The following PRKCA variants were observed in gnomAD, a reference collection of about 807,000 sequenced individuals.
PRKCA encodes the protein protein kinase C alpha, also known as protein kinase C alpha type.
PRKCA carries 27 observed loss-of-function variants against 87.0 expected under a neutral mutation model. The observed-to-expected ratio is 0.31, with a 90% CI of 0.23 to 0.43. PRKCA has a LOEUF of 0.43. Ranked by LOEUF, PRKCA falls within the 20% of genes least tolerant of loss-of-function variation. The pLI is 1.00. For missense variants in PRKCA, 518 were observed against 852.3 expected, an observed-to-expected ratio of 0.61 and a Z score of 4.88; for synonymous variants, 329 against 311.1, an observed-to-expected ratio of 1.06 and a Z score of -0.61.
intron 8 of PRKCA, among the ~76,000 whole-genome samples, chr17:66,706,736 C>T (rs1973202917): frequency 6.6e-6 from 1 of 152,022 alleles, no homozygotes; most frequent in Non-Finnish European, 1.5e-5. Context: ...AAATCTGGTG[C>T]CTATAAATAG....
intron 2 of PRKCA, among the ~76,000 whole-genome samples, chr17:66,394,609 A>G (rs955563162): frequency 1.1e-4 from 16 of 152,160 alleles, no homozygotes; most frequent in Non-Finnish European, 2.1e-4. Flanking sequence ...GGGACCCATA[A>G]TAAGTAAACC....
intron 9 of PRKCA, 43 bp downstream of exon 9, chr17:66,732,868 G>C (rs755601317): frequency 2.2e-5 from 35 of 1,590,836 alleles, no homozygotes; most frequent in Non-Finnish European, 3.0e-5. Flanking sequence ...CTTCTGCAGA[G>C]AATGTCGAAT....
At chr17:66,647,715 T>A (rs532595523) in intron 5 of PRKCA, among the ~76,000 whole-genome samples, 2 of 152,326 alleles carry the variant, frequency 1.3e-5, no homozygotes, top group South Asian at 4.1e-4. Context: ...CTAATTCCTC[T>A]ACCATTGCCA....
chr17:66,793,638 A>G (rs1409102824), intron 16 of PRKCA, among the ~76,000 whole-genome samples: 1 of 147,008 alleles, frequency 6.8e-6, no homozygotes, highest in East Asian at 2.0e-4. Context: ...AGAAGAGTCT[A>G]GGTAAGGAGA....
In PRKCA at chr17:66,567,223, T is replaced by G. The variant is rs566663195; in HGVS notation, c.288+70940T>G. Among the ~76,000 whole-genome samples, 3 of 152,308 alleles carry G rather than the reference T, an allele frequency of 2.0e-5. No individual in the cohort carries two copies. In the South Asian group the frequency reaches 6.2e-4, roughly 32 times the overall value. The stretch of plus-strand genomic sequence containing the variant: ...AGGAATATAAGGTAATTAATTTCTC[T>G]AAGTATGAAATGCAATCTTGAAAAA... On this transcript the variant is annotated intron_variant, in intron 3 of 16. Coordinates refer to ENST00000413366, the MANE Select transcript of PRKCA (RefSeq NM_002737.3).
At chr17:66,441,643 A>G (rs901435958) in intron 2 of PRKCA, among the ~76,000 whole-genome samples, 1 of 152,166 alleles carries the variant, frequency 6.6e-6, no homozygotes, top group Admixed American at 6.5e-5. Context: ...GTGGAAGTCA[A>G]TGCCTGTGAT....
chr17:66,310,126 C>G (rs1905022453), intron 2 of PRKCA, among the ~76,000 whole-genome samples: 1 of 152,114 alleles, frequency 6.6e-6, no homozygotes. Flanking sequence ...AACAGCCTCT[C>G]AAAATGTGAC....
chr17:66,551,881 T>C (rs898250439), intron 3 of PRKCA, among the ~76,000 whole-genome samples: 6 of 152,214 alleles, frequency 3.9e-5, no homozygotes, highest in African/African-American at 1.4e-4. Context: ...GTGCATAGTT[T>C]AATGAATTCT....
At chr17:66,516,656 G>A (rs962103594) in intron 3 of PRKCA, among the ~76,000 whole-genome samples, 1 of 151,974 alleles carries the variant, frequency 6.6e-6, no homozygotes, top group African/African-American at 2.4e-5. Context: ...TAAGTTGCAG[G>A]ACTTGATATG....
In PRKCA at chr17:66,332,545, C is replaced by T. The variant is rs1057117905; in HGVS notation, c.205+26418C>T. ...ACCTGACTGAAAGTATTTTCAAAGC[C>T]TCTGCTATGGAGTATAGTGTGAGAT... is the stretch of plus-strand genomic sequence containing the variant. On this transcript the variant is annotated intron_variant, in intron 2 of 16. Coordinates refer to ENST00000413366, the MANE Select transcript of PRKCA (RefSeq NM_002737.3). 5.3e-5 allele frequency among the ~76,000 whole-genome samples: 8 copies of T among 152,022 alleles called. No homozygotes were observed. In the South Asian group the frequency reaches 1.2e-3, roughly 24 times the overall value.
At chr17:66,450,704 G>T (rs927289661) in intron 2 of PRKCA, among the ~76,000 whole-genome samples, 2 of 152,178 alleles carry the variant, frequency 1.3e-5, no homozygotes, top group African/African-American at 4.8e-5. Context: ...GGAAGGGTAG[G>T]CGTCTGCTTT....
At chr17:66,577,615 C>G (rs945366777) in intron 3 of PRKCA, among the ~76,000 whole-genome samples, 2 of 152,174 alleles carry the variant, frequency 1.3e-5, no homozygotes, top group East Asian at 3.8e-4. Flanking sequence ...CTGGTTACGT[C>G]TTGGAGATCT....
chr17:66,666,807 C>G (rs187366845), intron 5 of PRKCA, among the ~76,000 whole-genome samples: 4 of 152,160 alleles, frequency 2.6e-5, no homozygotes, highest in African/African-American at 9.6e-5. Flanking sequence ...CTCTCCATGC[C>G]TCTCCAGGGA....
chr17:66,663,089 T>C (rs373932681), intron 5 of PRKCA, among the ~76,000 whole-genome samples: 2 of 152,342 alleles, frequency 1.3e-5, no homozygotes, highest in African/African-American at 4.8e-5. Flanking sequence ...TCAGGAATTA[T>C]GCCTCATGCT....
At chr17:66,465,115 A>G (rs1915028046) in intron 2 of PRKCA, among the ~76,000 whole-genome samples, 1 of 152,202 alleles carries the variant, frequency 6.6e-6, no homozygotes, top group African/African-American at 2.4e-5. Flanking sequence ...TAAATGAATG[A>G]CTAGGAAACT....
intron 2 of PRKCA, among the ~76,000 whole-genome samples, chr17:66,430,485 C>T (rs1270847597): frequency 6.6e-6 from 1 of 151,936 alleles, no homozygotes; most frequent in Non-Finnish European, 1.5e-5. Flanking sequence ...CCATCTGAGG[C>T]ATCTGCTGTG....
rs1311816842 is a variant in PRKCA, at chr17:66,587,721, ATATG to A, written c.289-53630_289-53627del. On this transcript the variant is annotated intron_variant, in intron 3 of 16. Coordinates refer to ENST00000413366, the MANE Select transcript of PRKCA (RefSeq NM_002737.3). ...TATACATATATACGTATATGTGTGT[ATATG>A]TATACATATATACGTATATGTGTGT... Among the ~76,000 whole-genome samples the A allele has an allele frequency of 1.1e-3, 120 of 107,586 alleles. 1 individual carries two copies. The highest frequency in any genetic ancestry group is 4.7e-3 in the Middle Eastern group (1 of 212). The allele number at this position is 107,586 out of a possible 152,430, so 70.6% of individuals were successfully genotyped here. A position where few individuals can be genotyped will look rare whatever the true frequency, so the allele number is the denominator to read the frequency against.
intron 8 of PRKCA, among the ~76,000 whole-genome samples, chr17:66,728,137 A>T (rs886235635): frequency 6.6e-6 from 1 of 152,106 alleles, no homozygotes; most frequent in African/African-American, 2.4e-5. Flanking sequence ...CAGCGTGGAG[A>T]TGGCTCAGGG....
intron 3 of PRKCA, among the ~76,000 whole-genome samples, chr17:66,569,325 T>C (rs1378967213): frequency 6.7e-6 from 1 of 149,158 alleles, no homozygotes; most frequent in African/African-American, 2.5e-5. Flanking sequence ...TCCCAGCACT[T>C]TGGAGGCCGA....
Sources: allele counts gnomAD v4.1 joint callset (sites outside exome capture counted in the v4.1 genomes callset), GRCh38; gene constraint gnomAD v4.1.1; transcripts MANE v1.5; gene names NCBI Gene and HGNC (gene_info 2026-07-23, HGNC 2026-07-21).